Variants in ZRANB3 observed in about 807,000 individuals in gnomAD.
ZRANB3 encodes DNA annealing helicase and endonuclease ZRANB3.
In ZRANB3, 125 loss-of-function variants were observed where a neutral mutation model predicts 133.8. The observed-to-expected ratio is 0.93, with a 90% CI of 0.81 to 1.08. The LOEUF (loss-of-function observed/expected upper bound fraction) is 1.08, where lower values mean the gene tolerates loss of function less well. ZRANB3 is among the 50% of genes least tolerant of loss of function. The probability of loss-of-function intolerance (pLI) is 0.00; values close to 1 mark genes in which losing one functional copy is unlikely to be tolerated. For synonymous variants in ZRANB3, 387 were observed against 432.7 expected (o/e 0.89, Z 1.31); for missense variants, 1,229 against 1,275.5 (o/e 0.96, Z 0.56).
In ZRANB3 at chr2:135,350,222, A is replaced by T. The variant is rs980610727; in HGVS notation, c.360-7T>A. On this transcript the variant is annotated splice_polypyrimidine_tract_variant and splice_region_variant and intron_variant, in intron 4 of 20. Coordinates refer to ENST00000264159, the MANE Select transcript of ZRANB3 (RefSeq NM_032143.4). ...TTTACTGGTCGACATTCTCCTAGAAAAGAAAATCCATGTACTTAAAAAATA... is the reference window on the plus strand; with the variant it reads ...TTTACTGGTCGACATTCTCCTAGAATAGAAAATCCATGTACTTAAAAAATA... 2 of 1,561,540 alleles carry T rather than the reference A, an allele frequency of 1.3e-6. No individual in the cohort carries two copies. The highest frequency in any genetic ancestry group is 2.7e-5 in the African/African-American group (2 of 73,920).
chr2:135,224,622 A>C (rs1694687532), intron 14 of ZRANB3, 105 bp from the exon 15 acceptor site: 1 of 657,040 alleles, frequency 1.5e-6, no homozygotes, highest in African/African-American at 1.8e-5. Context: ...CTATATCAAA[A>C]TATCAATATA....
chr2:135,467,921 TG>T (rs1691070076), intron 2 of ZRANB3, among the ~76,000 whole-genome samples: 1 of 152,276 alleles, frequency 6.6e-6, no homozygotes, highest in African/African-American at 2.4e-5. Context: ...TTTAGTTTTA[TG>T]GCTTGTGAAG....
chr2:135,389,619 T>TG (rs899171848), intron 3 of ZRANB3, among the ~76,000 whole-genome samples: 1 of 151,770 alleles, frequency 6.6e-6, no homozygotes, highest in African/African-American at 2.4e-5. Flanking sequence ...GCAAGAGAAT[T>TG]GCTTGAATCC....
intron 2 of ZRANB3, among the ~76,000 whole-genome samples, chr2:135,414,664 C>T (rs899040454): frequency 6.6e-6 from 1 of 152,052 alleles, no homozygotes; most frequent in Non-Finnish European, 1.5e-5. Flanking sequence ...TTTTTCAGCA[C>T]CACACCACAC....
intron 2 of ZRANB3, among the ~76,000 whole-genome samples, chr2:135,420,987 C>T (rs1043201859): frequency 1.3e-5 from 2 of 151,850 alleles, no homozygotes; most frequent in Admixed American, 6.6e-5. Context: ...TAGTAAACAC[C>T]GAGTATGTGC....
chr2:135,473,982 T>G (rs532479509), intron 2 of ZRANB3, among the ~76,000 whole-genome samples: 1 of 152,230 alleles, frequency 6.6e-6, no homozygotes, highest in South Asian at 2.1e-4. Context: ...CTCAGGAGTT[T>G]GAGACCAGCC....
Position 135,349,527 on chromosome 2 carries a change from G to A in ZRANB3, c.591+457C>T, listed in dbSNP as rs561742749. Among the ~76,000 whole-genome samples the A allele has an allele frequency of 3.9e-5, 6 of 152,256 alleles. No homozygotes were observed. In the East Asian group the frequency reaches 1.2e-3, roughly 29 times the overall value. ...AGCAGATACCTTATCTGGTCTGCAC[G>A]TAAGTTTTAGTTTCTCTTTACTTTT... is the stretch of plus-strand genomic sequence containing the variant. On this transcript the variant is annotated intron_variant, in intron 5 of 20. Coordinates refer to ENST00000264159, the MANE Select transcript of ZRANB3 (RefSeq NM_032143.4).
intron 2 of ZRANB3, among the ~76,000 whole-genome samples, chr2:135,409,446 TA>T (rs142260063): frequency 7.3e-5 from 11 of 151,270 alleles, no homozygotes; most frequent in East Asian, 1.9e-4. Context: ...CGCTTTATGA[TA>T]AAAAAAAACT....
chr2:135,238,480 G>A (rs1032415721), intron 12 of ZRANB3, among the ~76,000 whole-genome samples: 2 of 148,282 alleles, frequency 1.3e-5, no homozygotes, highest in Admixed American at 6.8e-5. Flanking sequence ...TGCAACCTCC[G>A]CCTCCCGAAA....
intron 3 of ZRANB3, among the ~76,000 whole-genome samples, chr2:135,376,819 A>T (rs1029386139): frequency 6.6e-6 from 1 of 152,234 alleles, no homozygotes; most frequent in Non-Finnish European, 1.5e-5. Flanking sequence ...TAAAGAGTAA[A>T]CCTGAATGTA....
intron 8 of ZRANB3, among the ~76,000 whole-genome samples, chr2:135,290,808 G>GT (rs1328039709): frequency 6.6e-6 from 1 of 152,128 alleles, no homozygotes; most frequent in African/African-American, 2.4e-5. Flanking sequence ...TTTCCTGGGT[G>GT]TTCTTTGAGC....
At chr2:135,257,036 G>T (rs560458912) in intron 12 of ZRANB3, among the ~76,000 whole-genome samples, 1 of 152,306 alleles carries the variant, frequency 6.6e-6, no homozygotes, top group African/African-American at 2.4e-5. Context: ...GGTCTAAAAA[G>T]GGGAGGAACC....
chr2:135,258,677 C>T (rs907345810), intron 12 of ZRANB3, among the ~76,000 whole-genome samples: 4 of 152,120 alleles, frequency 2.6e-5, no homozygotes, highest in African/African-American at 9.7e-5. Flanking sequence ...ATCAATTAGG[C>T]TATTATGCAG....
chr2:135,439,327 A>C (rs971736353), intron 2 of ZRANB3, among the ~76,000 whole-genome samples: 2 of 152,022 alleles, frequency 1.3e-5, no homozygotes, highest in Non-Finnish European at 2.9e-5. Context: ...TCTAGCTCTA[A>C]TTAACTCAAT....
intron 1 of ZRANB3, chr2:135,511,123 C>A: frequency 1.3e-6 from 1 of 770,118 alleles, no homozygotes; most frequent in Non-Finnish European, 2.4e-6. Context: ...ACTTTACCAA[C>A]ATAAGGAGGT....
At chr2:135,402,269 T>C (rs953947155) in intron 2 of ZRANB3, among the ~76,000 whole-genome samples, 3 of 151,740 alleles carry the variant, frequency 2.0e-5, no homozygotes, top group African/African-American at 7.3e-5. Context: ...TTATTGCATA[T>C]ACACGTGTTA....
At chr2:135,292,404 G>C (rs546061950) in intron 8 of ZRANB3, among the ~76,000 whole-genome samples, 37 of 152,172 alleles carry the variant, frequency 2.4e-4, no homozygotes, top group African/African-American at 8.9e-4. Context: ...CTTTTGAGAA[G>C]TGTCTGTTCA....
intron 2 of ZRANB3, among the ~76,000 whole-genome samples, chr2:135,490,357 C>T (rs999918233): frequency 6.6e-6 from 1 of 152,182 alleles, no homozygotes; most frequent in African/African-American, 2.4e-5. Flanking sequence ...TCTCAACAGA[C>T]AATTCTCAAG....
At chr2:135,417,297 A>G (rs576193221) in intron 2 of ZRANB3, among the ~76,000 whole-genome samples, 142 of 152,134 alleles carry the variant, frequency 9.3e-4, no homozygotes, top group African/African-American at 3.2e-3. Context: ...AAAAGTGGGC[A>G]AAGGATATGA....
Sources: allele counts gnomAD v4.1 joint callset (sites outside exome capture counted in the v4.1 genomes callset), GRCh38; gene constraint gnomAD v4.1.1; transcripts MANE v1.5; gene names NCBI Gene and HGNC (gene_info 2026-07-23, HGNC 2026-07-21).